The following ADGB variants were observed in gnomAD, a reference collection of about 807,000 sequenced individuals.
The protein encoded by ADGB is androglobin.
A neutral mutation model predicts 210.5 loss-of-function variants in ADGB; 172 were observed. The ratio of observed to expected loss-of-function variants is 0.82; its 90% CI spans 0.72 to 0.93. The LOEUF is 0.93. Among genes scored for constraint, ADGB ranks in the 40% least tolerant of loss-of-function variants. ADGB has a pLI of 0.00. For synonymous variants in ADGB, 658 were observed against 662.7 expected, an observed-to-expected ratio of 0.99 and a Z score of 0.11; for missense variants, 2,025 against 1,964.8, an observed-to-expected ratio of 1.03 and a Z score of -0.58.
At chr6:146,697,966 A>G (rs936935696) in intron 12 of ADGB, among the ~76,000 whole-genome samples, 19 of 152,294 alleles carry the variant, frequency 1.2e-4, no homozygotes, top group Admixed American at 1.2e-3. Flanking sequence ...TAGACCAAAG[A>G]AGTCTGGTAC....
chr6:146,810,296 CAA>C (rs1233253375), intron 35 of ADGB, among the ~76,000 whole-genome samples: 6 of 152,216 alleles, frequency 3.9e-5, no homozygotes, highest in Admixed American at 1.3e-4. Flanking sequence ...ATCATAAAGA[CAA>C]GAGATAAGTG....
chr6:146,774,197 T>C (rs1777691523), intron 29 of ADGB, among the ~76,000 whole-genome samples: 1 of 152,156 alleles, frequency 6.6e-6, no homozygotes, highest in Non-Finnish European at 1.5e-5. Flanking sequence ...TCCCTGTTAA[T>C]GGGTAACTAT....
intron 35 of ADGB, among the ~76,000 whole-genome samples, chr6:146,806,470 G>T (rs1257876944): frequency 2.0e-5 from 3 of 151,980 alleles, no homozygotes; most frequent in South Asian, 2.1e-4. Flanking sequence ...TTGTGCAATT[G>T]GTTTAGTCAA....
rs1221956803 is a variant in ADGB, at chr6:146,802,029, T to C, written c.4818+18T>C. 3.4e-6 allele frequency: 5 copies of C among 1,461,102 alleles called. No individual in the cohort carries two copies. Among genetic ancestry groups the C allele is most frequent in the African/African-American group, 2.9e-5 (2 of 68,486 alleles). 90.5% of individuals were successfully genotyped at this position (1,461,102 alleles called of 1,614,324 possible). The stretch of plus-strand genomic sequence containing the variant: ...AAATGCAGGTGAGTCTAAAAGCACA[T>C]ACATAGATTATAGTTGGCAAATTCT... On this transcript the variant is annotated intron_variant, in intron 35 of 35. Coordinates refer to ENST00000397944, the MANE Select transcript of ADGB (RefSeq NM_024694.4).
At chr6:146,618,163 G>A (rs1416359846) in intron 1 of ADGB, among the ~76,000 whole-genome samples, 2 of 151,750 alleles carry the variant, frequency 1.3e-5, no homozygotes, top group Non-Finnish European at 2.9e-5. Context: ...ACACCAATTT[G>A]TTGGTTTACA....
intron 35 of ADGB, chr6:146,802,358 CTTTTT>C: frequency 6.0e-6 from 1 of 167,506 alleles, no homozygotes. Context: ...TGGGAAAAGT[CTTTTT>C]TTTTAAGTGT....
chr6:146,796,025 C>G (rs1407114967), intron 33 of ADGB, among the ~76,000 whole-genome samples: 2 of 151,956 alleles, frequency 1.3e-5, no homozygotes, highest in Non-Finnish European at 2.9e-5. Flanking sequence ...TCAATGTACA[C>G]AAATAAGTAG....
At chr6:146,607,853 G>C (rs1320215655) in intron 1 of ADGB, among the ~76,000 whole-genome samples, 1 of 151,688 alleles carries the variant, frequency 6.6e-6, no homozygotes, top group Non-Finnish European at 1.5e-5. Flanking sequence ...TGAAGGTTTT[G>C]TTTTGGGATT....
chr6:146,785,398 A>T (rs1002646512), intron 31 of ADGB, among the ~76,000 whole-genome samples: 1 of 152,156 alleles, frequency 6.6e-6, no homozygotes, highest in East Asian at 1.9e-4. Context: ...CTGCTTCTTC[A>T]TCTATTCTCA....
intron 9 of ADGB, among the ~76,000 whole-genome samples, chr6:146,682,697 A>G (rs1307815915): frequency 2.6e-5 from 4 of 152,124 alleles, no homozygotes; most frequent in Admixed American, 2.6e-4. Flanking sequence ...TTGATATATA[A>G]TAAAATCAAA....
At position 146,764,115 on chromosome 6, in the gene ADGB, A is replaced by G. The variant is rs2114625563; in HGVS notation, c.3750+15A>G. On this transcript the variant is annotated intron_variant, in intron 28 of 35. Transcript: ENST00000397944. ...CACCACTGCAGGTATATTAAAAACA[A>G]TTGTTCAATTGGACTGTTCCTAAAA... 1 of 1,516,640 alleles carries G rather than the reference A, an allele frequency of 6.6e-7. No individual in the cohort carries two copies. Among genetic ancestry groups the G allele is most frequent in the African/African-American group, 1.4e-5 (1 of 71,506 alleles). The allele number at this position is 1,516,640 out of a possible 1,614,324, so 93.9% of individuals were successfully genotyped here.
At chr6:146,773,714 T>C (rs1466321173) in intron 29 of ADGB, among the ~76,000 whole-genome samples, 1 of 152,220 alleles carries the variant, frequency 6.6e-6, no homozygotes, top group Non-Finnish European at 1.5e-5. Context: ...ATAAGTCTGA[T>C]TTATTCCAAA....
rs141061062 is a variant in ADGB, at chr6:146,676,267, G to A, written c.1088-46G>A. On this transcript the variant is annotated intron_variant, in intron 8 of 35. Transcript: ENST00000397944. The stretch of plus-strand genomic sequence containing the variant: ...AATGACTGAATAAGAAATATAGTTT[G>A]AGATTGTCTAGTTAAAATATTTATT... 673 of 1,460,708 alleles carry A rather than the reference G, an allele frequency of 4.6e-4. 4 individuals are homozygous for A. In the African/African-American group the frequency reaches 8.5e-3, roughly 18 times the overall value. 90.5% of individuals were successfully genotyped at this position (1,460,708 alleles called of 1,614,324 possible).
At chr6:146,806,167 A>G (rs1200426765) in intron 35 of ADGB, among the ~76,000 whole-genome samples, 6 of 152,260 alleles carry the variant, frequency 3.9e-5, no homozygotes, top group African/African-American at 1.4e-4. Context: ...TAATAACCAA[A>G]TAAATGCAGC....
At chr6:146,602,067 G>A (rs1222119767) in intron 1 of ADGB, among the ~76,000 whole-genome samples, 1 of 152,054 alleles carries the variant, frequency 6.6e-6, no homozygotes, top group Non-Finnish European at 1.5e-5. Flanking sequence ...AACTATTCCA[G>A]GTAACTAAGC....
Position 146,808,000 on chromosome 6 carries a change from T to TG in ADGB, c.4818+5989_4818+5990insG, listed in dbSNP as rs556215950. Among the ~76,000 whole-genome samples, 259 of 146,058 alleles carry TG rather than the reference T, an allele frequency of 1.8e-3. 2 individuals are homozygous for TG. Among genetic ancestry groups the TG allele is most frequent in the Non-Finnish European group, 3.4e-3 (223 of 66,428 alleles). ...CTAATAACTATGCTTCAGTTTTTTT[T>TG]TTTTTTTTTTTTTTCTGGAGACTGA... On this transcript the variant is annotated intron_variant, in intron 35 of 35. Coordinates refer to ENST00000397944, the MANE Select transcript of ADGB (RefSeq NM_024694.4).
intron 2 of ADGB, among the ~76,000 whole-genome samples, chr6:146,644,060 A>T (rs1338386151): frequency 6.6e-6 from 1 of 151,720 alleles, no homozygotes; most frequent in Non-Finnish European, 1.5e-5. Context: ...TGGGATGGGG[A>T]GTGGGAGCAT....
At chr6:146,765,962 C>T (rs560612370) in intron 28 of ADGB, among the ~76,000 whole-genome samples, 3 of 151,818 alleles carry the variant, frequency 2.0e-5, no homozygotes, top group Admixed American at 2.0e-4. Context: ...ATAAAATACA[C>T]GTACTTCTAG....
At chr6:146,767,735 G>A (rs1411616909) in intron 28 of ADGB, among the ~76,000 whole-genome samples, 6 of 152,078 alleles carry the variant, frequency 3.9e-5, no homozygotes, top group Admixed American at 2.0e-4. Context: ...TCAGCCTCTT[G>A]AAGTAAGTAT....
Sources: allele counts gnomAD v4.1 joint callset (sites outside exome capture counted in the v4.1 genomes callset), GRCh38; gene constraint gnomAD v4.1.1; transcripts MANE v1.5; gene names NCBI Gene and HGNC (gene_info 2026-07-23, HGNC 2026-07-21).